Variants in AADACL2 observed in about 807,000 individuals in gnomAD.
The protein encoded by AADACL2 is arylacetamide deacetylase-like 2.
Under a neutral mutation model 22.3 loss-of-function variants are expected in AADACL2, and 23 were observed. That is an observed-to-expected ratio of 1.03 (90% CI 0.74 to 1.46). The LOEUF is 1.46. Ranked by LOEUF, AADACL2 falls within the 40% of genes most tolerant of loss-of-function variation. The pLI, the probability that AADACL2 is intolerant of heterozygous loss-of-function variation, is 0.00. For missense variants in AADACL2, 472 were observed against 482.9 expected (o/e 0.98, Z 0.21); for synonymous variants, 177 against 166.2 (o/e 1.07, Z -0.50).
At chr3:151,738,187 C>T (rs1236461541) in intron 1 of AADACL2, among the ~76,000 whole-genome samples, 1 of 151,978 alleles carries the variant, frequency 6.6e-6, no homozygotes, top group Non-Finnish European at 1.5e-5. Flanking sequence ...TAAGGCAGGC[C>T]TGGTGGTGAC....
chr3:151,740,918 A>G (rs1480117001), intron 2 of AADACL2, 50 bp downstream of exon 2: 4 of 1,490,044 alleles, frequency 2.7e-6, no homozygotes, highest in African/African-American at 1.4e-5. Context: ...CATTTTTGAT[A>G]TAAGAACTAT....
At chr3:151,746,081 A>G (rs111355987) in intron 4 of AADACL2, among the ~76,000 whole-genome samples, 1 of 152,136 alleles carries the variant, frequency 6.6e-6, no homozygotes, top group African/African-American at 2.4e-5. Context: ...ATTAATGTAC[A>G]TGGCATGTCT....
chr3:151,742,029 T>C (rs1313772105), intron 2 of AADACL2, among the ~76,000 whole-genome samples: 2 of 152,168 alleles, frequency 1.3e-5, no homozygotes, highest in Non-Finnish European at 2.9e-5. Context: ...CAAACATATG[T>C]GAATACACTG....
chr3:151,740,874 T>C lies in AADACL2; in HGVS notation c.361+6T>C. 6.8e-6 allele frequency: 11 copies of C among 1,613,184 alleles called. No individual in the cohort carries two copies. The highest frequency in any genetic ancestry group is 9.3e-6 in the Non-Finnish European group (11 of 1,179,322). On this transcript the variant is annotated splice_donor_region_variant and intron_variant, in intron 2 of 4. Transcript: ENST00000356517. ...TTTTTGTTTTGGAAGTTCCAGTAAG[T>C]TCATTGTATAAGGAAAAAGTGTAGC...
Position 151,757,450 on chromosome 3 carries a change from T to C in AADACL2, c.1062T>C (p.Leu354=). 1 of 1,613,674 alleles carries C rather than the reference T, an allele frequency of 6.2e-7. No homozygotes were observed. Among genetic ancestry groups the C allele is most frequent in the South Asian group, 1.1e-5 (1 of 91,064 alleles). The change falls in exon 5 of 5, where the codon CTT becomes CTC. Residue 354 remains leucine (L), a synonymous_variant. Coordinates refer to ENST00000356517, the MANE Select transcript of AADACL2 (RefSeq NM_207365.4). ...RDDGLMYVTR[L]RNVGVQVVHE... is the part of the protein sequence containing the mutation. ...ATGGACTTATGTATGTTACAAGACT[T>C]CGAAATGTTGGAGTCCAAGTTGTTC... is the stretch of plus-strand genomic sequence containing the variant.
intron 2 of AADACL2, among the ~76,000 whole-genome samples, chr3:151,742,073 G>T (rs994838421): frequency 3.8e-4 from 58 of 152,074 alleles, no homozygotes; most frequent in African/African-American, 1.3e-3. Flanking sequence ...TTTTCACCAA[G>T]AAAAAATAGA....
chr3:151,757,315 G>A lies in AADACL2; in HGVS notation c.927G>A (p.Leu309=), dbSNP rs771673867. The A allele has an allele frequency of 6.2e-7, 1 of 1,613,742 alleles. No homozygotes were observed. Among genetic ancestry groups the A allele is most frequent in the Non-Finnish European group, 8.5e-7 (1 of 1,179,722 alleles). Residue 309 remains leucine, a synonymous_variant, in exon 5 of 5, where the codon TTG becomes TTA. Coordinates refer to ENST00000356517, the MANE Select transcript of AADACL2 (RefSeq NM_207365.4). ...TTCTTGGAGGACTTAGTTATTCATT[G>A]CCAGGACTTACAGACAGCAGAGCAT... ...EPILGGLSYS[L]PGLTDSRALP...
At chr3:151,744,322 T>C (rs927190737) in intron 3 of AADACL2, among the ~76,000 whole-genome samples, 160 bp downstream of exon 3, 2 of 152,142 alleles carry the variant, frequency 1.3e-5, no homozygotes, top group Admixed American at 6.6e-5. Context: ...AGGTTCAGTG[T>C]CCCATTATTT....
chr3:151,760,862 T>C lies in AADACL2; in HGVS notation c.*3268T>C, dbSNP rs2107995139. On this transcript the variant is annotated 3_prime_UTR_variant, in exon 5 of 5. Transcript: ENST00000356517. ...AAGGATGGATCTGTTTCAGGACTCC[T>C]GGCCTGTAGCAGCATAACTCCAATC... The C allele has an allele frequency of 6.6e-6, 1 of 152,252 alleles. No homozygotes were observed. The highest frequency in any genetic ancestry group is 2.4e-5 in the African/African-American group (1 of 41,556). The allele number at this position is 152,252 out of a possible 1,614,324, so 9.4% of individuals were successfully genotyped here.
intron 1 of AADACL2, among the ~76,000 whole-genome samples, chr3:151,736,140 G>A (rs186051919): frequency 2.4e-4 from 37 of 151,894 alleles, no homozygotes; most frequent in Admixed American, 2.2e-3. Context: ...AAACATGACA[G>A]CATGCCTACA....
At chr3:151,736,284 T>A (rs998855751) in intron 1 of AADACL2, among the ~76,000 whole-genome samples, 6 of 149,072 alleles carry the variant, frequency 4.0e-5, no homozygotes, top group Admixed American at 1.4e-4. Flanking sequence ...TTTTCCTTTT[T>A]TATATACAAG....
chr3:151,736,302 C>CTTTTTT (rs10575713), intron 1 of AADACL2, among the ~76,000 whole-genome samples: 1 of 138,392 alleles, frequency 7.2e-6, no homozygotes, highest in Non-Finnish European at 1.6e-5. Flanking sequence ...AAGGATTTAT[C>CTTTTTT]TTTTTTTTTT....
intron 2 of AADACL2, among the ~76,000 whole-genome samples, chr3:151,741,165 CT>C (rs1368499456): frequency 3.3e-5 from 5 of 152,066 alleles, no homozygotes; most frequent in Non-Finnish European, 7.4e-5. Context: ...AGTTATTAAA[CT>C]TTTTTCTTGG....
intron 1 of AADACL2, among the ~76,000 whole-genome samples, chr3:151,738,656 A>C (rs561787660): frequency 6.6e-6 from 1 of 152,098 alleles, no homozygotes; most frequent in Admixed American, 6.5e-5. Context: ...TGGTCTTTTC[A>C]CATAGTTCCA....
intron 1 of AADACL2, among the ~76,000 whole-genome samples, chr3:151,739,315 C>T (rs1047197543): frequency 1.3e-5 from 2 of 152,188 alleles, no homozygotes; most frequent in Non-Finnish European, 2.9e-5. Context: ...GCCTGGGTAT[C>T]ACCAGTGGAG....
At chr3:151,746,365 GT>G (rs11385894) in intron 4 of AADACL2, among the ~76,000 whole-genome samples, 26,901 of 136,910 alleles carry the variant, frequency 0.2, 2,478 homozygotes, top group South Asian at 0.29. Flanking sequence ...TGTTTTTTTT[GT>G]TTTTTTTTTT....
At position 151,757,616 on chromosome 3, in the gene AADACL2, C is replaced by T. The variant is rs1713982992; in HGVS notation, c.*22C>T. ...ATAAATATGTGATGTGTATGTATAG[C>T]CCTTACATAGTGGATTGTAATTTGT... On this transcript the variant is annotated 3_prime_UTR_variant, in exon 5 of 5. Coordinates refer to ENST00000356517, the MANE Select transcript of AADACL2 (RefSeq NM_207365.4). The T allele has an allele frequency of 1.3e-6, 2 of 1,565,024 alleles. No individual in the cohort carries two copies. The highest frequency in any genetic ancestry group is 1.4e-5 in the African/African-American group (1 of 73,212).
At chr3:151,734,417 TTG>T (rs954461270) in intron 1 of AADACL2, among the ~76,000 whole-genome samples, 9 of 152,170 alleles carry the variant, frequency 5.9e-5, no homozygotes, top group Non-Finnish European at 1.2e-4. Flanking sequence ...AATAAATTTA[TTG>T]TGACATGTAT....
intron 4 of AADACL2, among the ~76,000 whole-genome samples, chr3:151,750,628 G>A (rs1713633135): frequency 6.6e-6 from 1 of 151,542 alleles, no homozygotes; most frequent in Non-Finnish European, 1.5e-5. Flanking sequence ...TTTAAAATAT[G>A]ACTTTAGTTA....
Sources: gnomAD v4.1 joint callset for allele counts (sites outside exome capture counted in the v4.1 genomes callset) on GRCh38, gnomAD v4.1.1 for gene constraint, MANE v1.5 for transcripts, NCBI Gene and HGNC (gene_info 2026-07-23, HGNC 2026-07-21) for gene names.